Variants in FLT1 observed in about 807,000 individuals in gnomAD.
FLT1 encodes fms related receptor tyrosine kinase 1.
A neutral mutation model predicts 156.3 loss-of-function variants in FLT1; 49 were observed. The observed-to-expected ratio is 0.31, with a 90% CI of 0.25 to 0.40. The LOEUF (loss-of-function observed/expected upper bound fraction) is 0.40, where lower values mean the gene tolerates loss of function less well. Among genes scored for constraint, FLT1 ranks in the 10% least tolerant of loss-of-function variants. FLT1 has a pLI of 1.00. For missense variants in FLT1, 1,322 were observed against 1,637.2 expected (o/e 0.81, Z 3.32); for synonymous variants, 594 against 583.8 (o/e 1.02, Z -0.25).
intron 1 of FLT1, among the ~76,000 whole-genome samples, chr13:28,488,233 AC>A (rs2137669115): frequency 6.6e-6 from 1 of 152,268 alleles, no homozygotes; most frequent in South Asian, 2.1e-4. Flanking sequence ...CCCTGTCTCT[AC>A]AAAAAACACA....
chr13:28,323,110 A>C (rs933834162), intron 20 of FLT1, among the ~76,000 whole-genome samples, 164 bp from the exon 21 acceptor site: 1 of 151,866 alleles, frequency 6.6e-6, no homozygotes, highest in Non-Finnish European at 1.5e-5. Flanking sequence ...GAGCCTGACT[A>C]CCTCTGGAGT....
chr13:28,355,432 G>A (rs375621947), intron 15 of FLT1, among the ~76,000 whole-genome samples: 21 of 152,310 alleles, frequency 1.4e-4, no homozygotes, highest in East Asian at 7.7e-4. Context: ...CTGTCTCAAA[G>A]TTTATAATTC....
intron 10 of FLT1, among the ~76,000 whole-genome samples, chr13:28,421,901 C>T (rs1344456379): frequency 6.6e-6 from 1 of 152,180 alleles, no homozygotes; most frequent in Non-Finnish European, 1.5e-5. Flanking sequence ...AAAGAACTGG[C>T]CAAGGTCACA....
At chr13:28,309,070 C>T (rs1316933215) in intron 27 of FLT1, 143 bp from the exon 28 acceptor site, 8 of 650,856 alleles carry the variant, frequency 1.2e-5, no homozygotes, top group Non-Finnish European at 2.0e-5. Context: ...CCGATCTCCC[C>T]GCCGTGACCC....
At chr13:28,330,753 G>T (rs566856523) in intron 18 of FLT1, among the ~76,000 whole-genome samples, 1 of 149,696 alleles carries the variant, frequency 6.7e-6, no homozygotes, top group Non-Finnish European at 1.5e-5. Flanking sequence ...TCCCTCTGTC[G>T]CCCAGGCTGG....
At chr13:28,341,636 T>C (rs1190971095) in intron 16 of FLT1, among the ~76,000 whole-genome samples, 2 of 152,156 alleles carry the variant, frequency 1.3e-5, no homozygotes, top group Middle Eastern at 3.2e-3. Context: ...GAGGATAAAA[T>C]ATAAAATGCC....
intron 14 of FLT1, among the ~76,000 whole-genome samples, chr13:28,365,834 A>G (rs1452036359): frequency 6.6e-6 from 1 of 152,224 alleles, no homozygotes; most frequent in African/African-American, 2.4e-5. Flanking sequence ...TCCCATGGAA[A>G]TTCATTATTT....
chr13:28,395,482 A>C (rs367984669), intron 12 of FLT1, among the ~76,000 whole-genome samples: 2 of 152,184 alleles, frequency 1.3e-5, no homozygotes, highest in South Asian at 2.1e-4. Flanking sequence ...ATTTTATTTA[A>C]ATTGATTTAA....
intron 1 of FLT1, among the ~76,000 whole-genome samples, chr13:28,476,544 CCTG>C (rs1219110783): frequency 6.6e-6 from 1 of 152,162 alleles, no homozygotes; most frequent in Non-Finnish European, 1.5e-5. Flanking sequence ...ATCCTAGGAA[CCTG>C]CTTTTTCCTT....
At chr13:28,406,832 A>G (rs547138437) in intron 10 of FLT1, among the ~76,000 whole-genome samples, 103 of 152,270 alleles carry the variant, frequency 6.8e-4, no homozygotes, top group African/African-American at 2.4e-3. Context: ...TGAGTGGTTC[A>G]TCTTTAGCAG....
At chr13:28,360,107 C>T (rs574663597) in intron 14 of FLT1, among the ~76,000 whole-genome samples, 1 of 152,162 alleles carries the variant, frequency 6.6e-6, no homozygotes, top group East Asian at 1.9e-4. Flanking sequence ...GAGACTTTGT[C>T]TCAAAAAACA....
At chr13:28,475,997 A>AT (rs927475654) in intron 1 of FLT1, among the ~76,000 whole-genome samples, 7 of 152,164 alleles carry the variant, frequency 4.6e-5, no homozygotes, top group Non-Finnish European at 1.0e-4. Context: ...CTGAAAGCAT[A>AT]TTTTTTCAGT....
At chr13:28,441,728 G>A (rs536155983) in intron 3 of FLT1, among the ~76,000 whole-genome samples, 192 of 152,150 alleles carry the variant, frequency 1.3e-3, no homozygotes, top group African/African-American at 4.6e-3. Context: ...ATCACTTGAG[G>A]CCAAGAGTTT....
rs144651121 is a variant in FLT1, at chr13:28,390,066, G to A, written c.1699C>T (p.Pro567Ser). The change falls in exon 13 of 30, where the codon CCG (proline) becomes TCG (serine). Residue 567 changes from proline to serine, a missense_variant. Pro to Ser is a moderately conservative substitution (Grantham distance 74). Around this residue, in one of 3 missense-constraint regions of FLT1, gnomAD observed 991 missense variants for 1,254.8 expected, o/e 0.79. Transcript: ENST00000282397. ...NGFHVNLEKM[P>S]TEGEDLKLSC... Reference sequence around the variant, plus strand: ...AGTTTCAGGTCCTCTCCTTCCGTCGGCATTTTTTCCAAGTTAACATGAAAC... The same window carrying A: ...AGTTTCAGGTCCTCTCCTTCCGTCGACATTTTTTCCAAGTTAACATGAAAC... 1.9e-6 allele frequency: 3 copies of A among 1,614,070 alleles called. No homozygotes were observed. The highest frequency in any genetic ancestry group is 2.5e-6 in the Non-Finnish European group (3 of 1,179,968).
chr13:28,434,287 C>T (rs143889201), intron 4 of FLT1, 67 bp from the exon 5 acceptor site: 6 of 1,436,060 alleles, frequency 4.2e-6, no homozygotes, highest in Non-Finnish European at 5.8e-6. Context: ...GTTTCACCAG[C>T]AGTTTGTGAA....
chr13:28,362,726 G>C (rs1293552488), intron 14 of FLT1, among the ~76,000 whole-genome samples: 2 of 152,164 alleles, frequency 1.3e-5, no homozygotes. Flanking sequence ...AAAGGACTTG[G>C]ATTTCACTCA....
At chr13:28,483,155 T>C (rs748718774) in intron 1 of FLT1, among the ~76,000 whole-genome samples, 2 of 152,172 alleles carry the variant, frequency 1.3e-5, no homozygotes, top group Non-Finnish European at 2.9e-5. Flanking sequence ...GCAGGAGACA[T>C]TAAGTGGAAA....
intron 10 of FLT1, among the ~76,000 whole-genome samples, chr13:28,406,892 G>A (rs1875836527): frequency 6.6e-6 from 1 of 152,158 alleles, no homozygotes; most frequent in Admixed American, 6.5e-5. Context: ...GCTAAAGTCA[G>A]TGAGAAAAAG....
At chr13:28,335,662 G>C (rs1872090232) in intron 17 of FLT1, among the ~76,000 whole-genome samples, 1 of 152,130 alleles carries the variant, frequency 6.6e-6, no homozygotes, top group African/African-American at 2.4e-5. Flanking sequence ...CTGTCTGCAG[G>C]GACATGCTCT....
Sources: allele counts gnomAD v4.1 joint callset (sites outside exome capture counted in the v4.1 genomes callset), GRCh38; gene constraint gnomAD v4.1.1; regional missense constraint gnomAD v4.1.1; transcripts MANE v1.5; gene names NCBI Gene and HGNC (gene_info 2026-07-23, HGNC 2026-07-21).